Variants in TRAF3IP3 observed in about 807,000 individuals in gnomAD.
The protein encoded by TRAF3IP3 is TRAF3 interacting protein 3.
A neutral mutation model predicts 86.5 loss-of-function variants in TRAF3IP3; 64 were observed. The ratio of observed to expected loss-of-function variants is 0.74; its 90% CI spans 0.60 to 0.91. TRAF3IP3 has a LOEUF of 0.91. Among genes scored for constraint, TRAF3IP3 ranks in the 40% least tolerant of loss-of-function variants. The pLI is 0.00. For synonymous variants in TRAF3IP3, 220 were observed against 243.9 expected, an observed-to-expected ratio of 0.90 and a Z score of 0.91; for missense variants, 579 against 642.9, an observed-to-expected ratio of 0.90 and a Z score of 1.07.
chr1:209,762,600 C>T lies in TRAF3IP3; in HGVS notation c.431C>T (p.Ser144Leu). The T allele has an allele frequency of 6.6e-7, 1 of 1,517,272 alleles. No homozygotes were observed. The highest frequency in any genetic ancestry group is 2.3e-5 in the East Asian group (1 of 43,734). The allele number at this position is 1,517,272 out of a possible 1,614,324, so 94.0% of individuals were successfully genotyped here. A position where few individuals can be genotyped will look rare whatever the true frequency, so the allele number is the denominator to read the frequency against. Residue 144 changes from serine (S) to leucine (L), a missense_variant, in exon 4 of 17, where the codon TCA becomes TTA. Physicochemically the swap from Ser to Leu is moderately radical, Grantham distance 145. Transcript: ENST00000367025. Reference sequence around the variant, plus strand: ...AGGGATCTGTCTGACCACCTCTCCTCACAGGCTGGGGGCCTTCCTCCACAG... The same window carrying T: ...AGGGATCTGTCTGACCACCTCTCCTTACAGGCTGGGGGCCTTCCTCCACAG... ...ICRDLSDHLSSQAGGLPPQDT... is the reference protein window; with the variant it reads ...ICRDLSDHLSLQAGGLPPQDT...
Position 209,779,299 on chromosome 1 carries a change from TTG to T in TRAF3IP3, c.1253-12_1253-11del, listed in dbSNP as rs780148643. On this transcript the variant is annotated splice_polypyrimidine_tract_variant and intron_variant, in intron 13 of 16. Coordinates refer to ENST00000367025, the MANE Select transcript of TRAF3IP3 (RefSeq NM_025228.4). The stretch of plus-strand genomic sequence containing the variant: ...AAATATGCTAGCATAGACAAGTTCC[TTG>T]TGTTTTCCAACAGGTTTGCTTCAAA... 31 of 1,613,284 alleles carry T rather than the reference TTG, an allele frequency of 1.9e-5. No homozygotes were observed. In the African/African-American group the frequency reaches 3.7e-4, roughly 19 times the overall value.
intron 16 of TRAF3IP3, 123 bp from the exon 17 acceptor site, chr1:209,781,933 C>T (rs912971884): frequency 2.8e-6 from 2 of 726,972 alleles, no homozygotes; most frequent in East Asian, 5.4e-5. Flanking sequence ...GAGTAAAAAG[C>T]TTTTTCTCCA....
intron 8 of TRAF3IP3, among the ~76,000 whole-genome samples, chr1:209,765,233 G>GGAAGGAAA (rs1159127341): frequency 1.1e-5 from 1 of 87,968 alleles, no homozygotes; most frequent in Non-Finnish European, 2.4e-5. Context: ...GAGAGAGGAA[G>GGAAGGAAA]GAAGGAAGGA....
At chr1:209,778,732 G>A (rs1285395260) in intron 13 of TRAF3IP3, 1 of 155,238 alleles carries the variant, frequency 6.4e-6, no homozygotes, top group Admixed American at 6.4e-5. Flanking sequence ...ATTATTAAGA[G>A]AGCAAAGCAA....
intron 8 of TRAF3IP3, among the ~76,000 whole-genome samples, chr1:209,767,825 A>C (rs1282951555): frequency 2.0e-5 from 3 of 152,104 alleles, no homozygotes; most frequent in Non-Finnish European, 4.4e-5. Flanking sequence ...GCTTTGTGGG[A>C]ATGAGGGGGG....
chr1:209,761,771 AG>A (rs1191789894), intron 3 of TRAF3IP3, among the ~76,000 whole-genome samples: 6 of 152,254 alleles, frequency 3.9e-5, no homozygotes, highest in Non-Finnish European at 7.3e-5. Flanking sequence ...GACCTAGAAA[AG>A]ATGGGATCTG....
At chr1:209,766,991 A>C (rs1047809411) in intron 8 of TRAF3IP3, among the ~76,000 whole-genome samples, 2 of 152,220 alleles carry the variant, frequency 1.3e-5, no homozygotes, top group Non-Finnish European at 2.9e-5. Flanking sequence ...TTTAAGGTAA[A>C]GGAATTGGAA....
At chr1:209,758,683 AAGC>A in intron 1 of TRAF3IP3, 2 of 152,326 alleles carry the variant, frequency 1.3e-5, no homozygotes, top group Non-Finnish European at 2.9e-5. Context: ...GGAGGAAGAG[AAGC>A]AGCAGCAGCT....
At chr1:209,770,401 AGGTGGAGGTG>A (rs2077443961) in intron 8 of TRAF3IP3, among the ~76,000 whole-genome samples, 1 of 150,970 alleles carries the variant, frequency 6.6e-6, no homozygotes, top group African/African-American at 2.4e-5. Flanking sequence ...GTGTGTGTGC[AGGTGGAGGTG>A]TGTGTGTGCA....
chr1:209,770,492 T>A lies in TRAF3IP3; in HGVS notation c.703-2456T>A, dbSNP rs558085618. Reference sequence around the variant, plus strand: ...AGGTGTGTGTGTGCATGTGGAAGTGTGCGTGTGCATGTGAAAGTATGTGTG... The same window carrying A: ...AGGTGTGTGTGTGCATGTGGAAGTGAGCGTGTGCATGTGAAAGTATGTGTG... On this transcript the variant is annotated intron_variant, in intron 8 of 16. Transcript: ENST00000367025. Among the ~76,000 whole-genome samples, 10 of 145,386 alleles carry A rather than the reference T, an allele frequency of 6.9e-5. No homozygotes were observed. The South Asian group carries it at 2.2e-3, about 32-fold the overall frequency.
intron 8 of TRAF3IP3, among the ~76,000 whole-genome samples, chr1:209,770,219 C>T (rs1256559351): frequency 6.6e-6 from 1 of 152,230 alleles, no homozygotes; most frequent in Admixed American, 6.5e-5. Context: ...ACACCCCCTG[C>T]CGCCCTCACT....
Position 209,782,217 on chromosome 1 carries a change from G to A in TRAF3IP3, c.*69G>A. 1 of 1,279,078 alleles carries A rather than the reference G, an allele frequency of 7.8e-7. No homozygotes were observed. The highest frequency in any genetic ancestry group is 1.1e-6 in the Non-Finnish European group (1 of 875,456). The allele number at this position is 1,279,078 out of a possible 1,614,324, so 79.2% of individuals were successfully genotyped here. A position where few individuals can be genotyped will look rare whatever the true frequency, so the allele number is the denominator to read the frequency against. Reference sequence around the variant, plus strand: ...ACTCAGCGAAAAACTCAGAAGGTTTGGGTACATTACAGCTTGGGTTTTCCA... The same window carrying A: ...ACTCAGCGAAAAACTCAGAAGGTTTAGGTACATTACAGCTTGGGTTTTCCA... On this transcript the variant is annotated 3_prime_UTR_variant, in exon 17 of 17. Transcript: ENST00000367025.
At chr1:209,767,844 A>G (rs1284527371) in intron 8 of TRAF3IP3, among the ~76,000 whole-genome samples, 2 of 152,118 alleles carry the variant, frequency 1.3e-5, no homozygotes, top group Admixed American at 6.5e-5. Flanking sequence ...GGATATATTA[A>G]GAGACATTTC....
At chr1:209,762,013 T>C (rs944145004) in intron 3 of TRAF3IP3, among the ~76,000 whole-genome samples, 11 of 69,760 alleles carry the variant, frequency 1.6e-4, no homozygotes, top group Middle Eastern at 5.8e-3. Flanking sequence ...TGTGTGGCTC[T>C]GAAAGCTTGA....
chr1:209,781,623 A>G, intron 16 of TRAF3IP3, 165 bp downstream of exon 16: 1 of 538,128 alleles, frequency 1.9e-6, no homozygotes, highest in Non-Finnish European at 3.3e-6. Flanking sequence ...TGAAAAAAAC[A>G]CTGGCTCGTC....
At chr1:209,772,058 GGTGT>G in intron 8 of TRAF3IP3, among the ~76,000 whole-genome samples, 1 of 147,864 alleles carries the variant, frequency 6.8e-6, no homozygotes. Context: ...CACATGTGAA[GGTGT>G]GTGTATATGG....
intron 9 of TRAF3IP3, among the ~76,000 whole-genome samples, chr1:209,773,632 G>A (rs1338971982): frequency 1.3e-5 from 2 of 152,180 alleles, no homozygotes; most frequent in African/African-American, 4.8e-5. Context: ...ATCAGAGAAT[G>A]GGGTGAAACA....
intron 3 of TRAF3IP3, among the ~76,000 whole-genome samples, chr1:209,761,776 G>T (rs924468032): frequency 4.6e-5 from 7 of 152,180 alleles, no homozygotes; most frequent in South Asian, 2.1e-4. Context: ...AGAAAAGATG[G>T]GATCTGAACC....
chr1:209,764,393 T>G (rs549386560), intron 8 of TRAF3IP3, among the ~76,000 whole-genome samples: 5 of 152,166 alleles, frequency 3.3e-5, no homozygotes, highest in Non-Finnish European at 7.3e-5. Flanking sequence ...TATATAAGCA[T>G]TTGCCAGGAA....
Sources: allele counts gnomAD v4.1 joint callset (sites outside exome capture counted in the v4.1 genomes callset), GRCh38; gene constraint gnomAD v4.1.1; transcripts MANE v1.5; gene names NCBI Gene and HGNC (gene_info 2026-07-23, HGNC 2026-07-21).